Variants in PCDHA10 observed in about 807,000 individuals in gnomAD.
The protein encoded by PCDHA10 is protocadherin alpha-10.
A neutral mutation model predicts 61.2 loss-of-function variants in PCDHA10; 45 were observed. The ratio of observed to expected loss-of-function variants is 0.74; its 90% CI spans 0.58 to 0.94. PCDHA10 has a LOEUF of 0.94. PCDHA10 is among the 40% of genes least tolerant of loss of function. PCDHA10 has a pLI of 0.00. For synonymous variants in PCDHA10, 602 were observed against 548.8 expected (o/e 1.10, Z -1.35); for missense variants, 1,278 against 1,236.2 (o/e 1.03, Z -0.51).
At chr5:140,991,782 C>A (rs1257930918) in intron 3 of PCDHA10, among the ~76,000 whole-genome samples, 1 of 152,158 alleles carries the variant, frequency 6.6e-6, no homozygotes, top group Non-Finnish European at 1.5e-5. Flanking sequence ...AGACTCTGCC[C>A]ATTTCCCAAT....
chr5:140,959,491 G>A (rs761208761), intron 1 of PCDHA10, among the ~76,000 whole-genome samples: 6 of 151,956 alleles, frequency 3.9e-5, no homozygotes, highest in Non-Finnish European at 7.4e-5. Context: ...TGTTATATAT[G>A]GATCAAACTA....
chr5:140,892,144 G>T (rs549500463), intron 1 of PCDHA10, among the ~76,000 whole-genome samples: 1 of 152,102 alleles, frequency 6.6e-6, no homozygotes, highest in Non-Finnish European at 1.5e-5. Context: ...TGGTTTTAGC[G>T]TCTATTTCTG....
chr5:140,969,028 A>G (rs1554231371), intron 1 of PCDHA10: 1 of 1,614,208 alleles, frequency 6.2e-7, no homozygotes, highest in Non-Finnish European at 8.5e-7. Context: ...GGTCCCCTGC[A>G]GAACTGTACA....
At chr5:140,960,177 G>C (rs2095530246) in intron 1 of PCDHA10, among the ~76,000 whole-genome samples, 1 of 152,052 alleles carries the variant, frequency 6.6e-6, no homozygotes, top group Non-Finnish European at 1.5e-5. Flanking sequence ...CTTAAGTTAG[G>C]GGTTGCATGT....
Position 140,857,207 on chromosome 5 carries a change from T to C in PCDHA10, c.1159T>C (p.Ser387Pro), listed in dbSNP as rs374547664. The C allele has an allele frequency of 2.5e-6, 4 of 1,598,416 alleles. No homozygotes were observed. In the African/African-American group the frequency reaches 5.4e-5, roughly 22 times the overall value. ...DSGANGQVTCSLTPHVPFKLV... is the reference protein window; with the variant it reads ...DSGANGQVTCPLTPHVPFKLV... ...AGGAGCCAACGGACAGGTCACCTGC[T>C]CTCTGACGCCTCACGTTCCGTTCAA... is the stretch of plus-strand genomic sequence containing the variant. The change falls in exon 1 of 4, where the codon TCT becomes CCT. Residue 387 changes from serine (S) to proline (P), a missense_variant. Transcript: ENST00000307360.
rs562972971 is a variant in PCDHA10, at chr5:140,960,395, A to AG, written c.2389-18547dup. 1.1e-4 allele frequency among the ~76,000 whole-genome samples: 17 copies of AG among 152,266 alleles called. No individual in the cohort carries two copies. The Middle Eastern group carries it at 0.014, about 123-fold the overall frequency. ...TTAAGTGCCAAGACATTAGGATGCAAGGGGGGGTGCCCAAAAAGTCAACAA... is the reference window on the plus strand; with the variant it reads ...TTAAGTGCCAAGACATTAGGATGCAAGGGGGGGGTGCCCAAAAAGTCAACAA... On this transcript the variant is annotated intron_variant, in intron 1 of 3. Coordinates refer to ENST00000307360, the MANE Select transcript of PCDHA10 (RefSeq NM_018901.4).
chr5:140,968,307 A>G (rs1554230602), intron 1 of PCDHA10: 1 of 1,613,964 alleles, frequency 6.2e-7, no homozygotes, highest in South Asian at 1.1e-5. Context: ...AGGGAGATTC[A>G]AGGGCTGCCA....
rs576672267 is a variant in PCDHA10 at position 140,878,151 on chromosome 5, T to G, written c.2388+19715T>G. 31 of 178,298 alleles carry G rather than the reference T, an allele frequency of 1.7e-4. No individual in the cohort carries two copies. The Middle Eastern group carries it at 7.4e-3, about 42-fold the overall frequency. The allele number at this position is 178,298 out of a possible 1,614,324, so 11.0% of individuals were successfully genotyped here. On this transcript the variant is annotated intron_variant, in intron 1 of 3. Coordinates refer to ENST00000307360, the MANE Select transcript of PCDHA10 (RefSeq NM_018901.4). Reference sequence around the variant, plus strand: ...AAAAGTGGCCAGATGTTTGATAACTTAAAAATTTAATTTGTTCATAATTTC... The same window carrying G: ...AAAAGTGGCCAGATGTTTGATAACTGAAAAATTTAATTTGTTCATAATTTC...
At chr5:140,925,854 G>C (rs1333353083) in intron 1 of PCDHA10, among the ~76,000 whole-genome samples, 1 of 152,014 alleles carries the variant, frequency 6.6e-6, no homozygotes, top group African/African-American at 2.4e-5. Flanking sequence ...TGAGTTTCTA[G>C]TTATTGCTAT....
At chr5:140,886,690 G>T (rs1321168089) in intron 1 of PCDHA10, among the ~76,000 whole-genome samples, 3 of 151,964 alleles carry the variant, frequency 2.0e-5, no homozygotes, top group African/African-American at 7.2e-5. Flanking sequence ...GCGAGGCATG[G>T]TGGCACGCGC....
intron 1 of PCDHA10, 52 bp from the exon 2 acceptor site, chr5:140,978,897 G>T: frequency 6.2e-7 from 1 of 1,612,776 alleles, no homozygotes; most frequent in Non-Finnish European, 8.5e-7. Context: ...AGCATTCCTG[G>T]GAGAACATTG....
At chr5:140,992,205 T>C (rs2097498733) in intron 3 of PCDHA10, among the ~76,000 whole-genome samples, 1 of 152,186 alleles carries the variant, frequency 6.6e-6, no homozygotes, top group South Asian at 2.1e-4. Flanking sequence ...TCCAATCAGA[T>C]AAACTACTCT....
chr5:140,914,944 CTTT>C (rs35695909), intron 1 of PCDHA10, among the ~76,000 whole-genome samples: 73 of 128,234 alleles, frequency 5.7e-4, no homozygotes, highest in African/African-American at 1.8e-3. Flanking sequence ...GAAAAGTTGT[CTTT>C]TTTTTTTTTT....
chr5:141,005,959 A>G (rs1225421383), intron 3 of PCDHA10, among the ~76,000 whole-genome samples: 1 of 152,048 alleles, frequency 6.6e-6, no homozygotes, highest in African/African-American at 2.4e-5. Context: ...ACAAACAACA[A>G]TAAAAAAACA....
intron 1 of PCDHA10, among the ~76,000 whole-genome samples, chr5:140,972,921 C>A (rs2096564401): frequency 6.6e-6 from 1 of 152,090 alleles, no homozygotes; most frequent in Non-Finnish European, 1.5e-5. Context: ...CTTGGCCTCC[C>A]AAAGTGCTGG....
chr5:140,965,326 A>T (rs184855153), intron 1 of PCDHA10, among the ~76,000 whole-genome samples: 1 of 152,298 alleles, frequency 6.6e-6, no homozygotes, highest in African/African-American at 2.4e-5. Context: ...TACTGAAGTG[A>T]ATTTGTTGTC....
intron 1 of PCDHA10, among the ~76,000 whole-genome samples, chr5:140,885,350 G>C (rs1050079674): frequency 6.6e-6 from 1 of 152,108 alleles, no homozygotes; most frequent in African/African-American, 2.4e-5. Context: ...ATTTCCAAAA[G>C]GTACTGGTGA....
chr5:140,869,135 C>T, intron 1 of PCDHA10: 1 of 1,613,026 alleles, frequency 6.2e-7, no homozygotes. Flanking sequence ...GGATTGGGCA[C>T]CCCACGACTA....
intron 1 of PCDHA10, among the ~76,000 whole-genome samples, chr5:140,920,225 G>A (rs80019196): frequency 2.9e-3 from 441 of 151,762 alleles, no homozygotes; most frequent in African/African-American, 0.01. Flanking sequence ...CACATTTATA[G>A]TATTATATAC....
Sources: gnomAD v4.1 joint callset for allele counts (sites outside exome capture counted in the v4.1 genomes callset) on GRCh38, gnomAD v4.1.1 for gene constraint, MANE v1.5 for transcripts, NCBI Gene and HGNC (gene_info 2026-07-23, HGNC 2026-07-21) for gene names.